Variants in ZC3H3 observed in about 807,000 individuals in gnomAD.
ZC3H3 encodes the protein zinc finger CCCH-type containing 3.
ZC3H3 carries 36 observed loss-of-function variants against 77.3 expected under a neutral mutation model. The ratio of observed to expected loss-of-function variants is 0.47; its 90% CI spans 0.36 to 0.61. ZC3H3 has a LOEUF of 0.61. Ranked by LOEUF, ZC3H3 falls within the 20% of genes least tolerant of loss-of-function variation. The pLI is 0.00. For missense variants in ZC3H3, 1,331 were observed against 1,312.2 expected (o/e 1.01, Z -0.22); for synonymous variants, 626 against 555.2 (o/e 1.13, Z -1.79).
intron 5 of ZC3H3, among the ~76,000 whole-genome samples, chr8:143,472,488 C>T (rs769898772): frequency 6.6e-6 from 1 of 152,212 alleles, no homozygotes; most frequent in Non-Finnish European, 1.5e-5. Flanking sequence ...GCAGCCCCTC[C>T]CTCTCCTCCC....
intron 3 of ZC3H3, among the ~76,000 whole-genome samples, chr8:143,513,522 C>T (rs1821937470): frequency 6.6e-6 from 1 of 152,334 alleles, no homozygotes; most frequent in African/African-American, 2.4e-5. Context: ...TGGCTGATGG[C>T]GCTCTTGGAG....
Position 143,475,481 on chromosome 8 carries a change from A to T in ZC3H3, c.1820T>A (p.Val607Asp), listed in dbSNP as rs1298681200. The change falls in exon 5 of 12, where the codon GTC (valine) becomes GAC (aspartate). Residue 607 changes from valine to aspartate, a missense_variant. Coordinates refer to ENST00000262577, the MANE Select transcript of ZC3H3 (RefSeq NM_015117.3). ...RSKGYRCIGG[V>D]LYKVSANKLS... ...CTTGTTGGCAGATACTTTGTAGAGG[A>T]CCCCTCCGATGCAGCGGTAGCCTTT... The T allele has an allele frequency of 6.2e-7, 1 of 1,612,890 alleles. No individual in the cohort carries two copies. Among genetic ancestry groups the T allele is most frequent in the African/African-American group, 1.3e-5 (1 of 74,976 alleles).
At position 143,533,936 on chromosome 8, in the gene ZC3H3, A is replaced by G. The variant is rs2130506764; in HGVS notation, c.1561+2321T>C. ...GGTGATCCACCCGCCTCGGCCTCCC[A>G]GTGTGCTGGGATTACAGGCATGAGC... On this transcript the variant is annotated intron_variant, in intron 3 of 11. Coordinates refer to ENST00000262577, the MANE Select transcript of ZC3H3 (RefSeq NM_015117.3). This position sits in a 1 kb window ranked among gnomAD's most constrained non-coding sequence, Gnocchi z 4.0. Among the ~76,000 whole-genome samples, 2 of 152,094 alleles carry G rather than the reference A, an allele frequency of 1.3e-5. No individual in the cohort carries two copies. Among genetic ancestry groups the G allele is most frequent in the South Asian group, 4.1e-4 (2 of 4,820 alleles).
At chr8:143,456,264 G>A (rs1820120175) in intron 9 of ZC3H3, among the ~76,000 whole-genome samples, 1 of 152,086 alleles carries the variant, frequency 6.6e-6, no homozygotes, top group African/African-American at 2.4e-5. Flanking sequence ...AGAACTAATA[G>A]AAAACAAAAT....
chr8:143,529,122 T>C (rs1387380824), intron 3 of ZC3H3, among the ~76,000 whole-genome samples: 1 of 152,154 alleles, frequency 6.6e-6, no homozygotes, highest in East Asian at 1.9e-4. Flanking sequence ...GGGACGGGCC[T>C]GGCCAGAGGT....
At chr8:143,461,329 G>A (rs928102545) in intron 9 of ZC3H3, among the ~76,000 whole-genome samples, 5 of 152,180 alleles carry the variant, frequency 3.3e-5, no homozygotes, top group African/African-American at 7.2e-5. Flanking sequence ...CCACCAGAAC[G>A]GGTGTGCCAG....
Position 143,538,710 on chromosome 8 carries a change from G to A in ZC3H3, c.657C>T (p.Val219=). ...GDSPREPRRT[V]SESVIAVKAS... The stretch of plus-strand genomic sequence containing the variant: ...CCTTGACGGCAATCACACTCTCACT[G>A]ACTGTCCGGCGGGGCTCCCGGGGGC... Residue 219 remains valine (V), a synonymous_variant, in exon 2 of 12, where the codon GTC becomes GTT. Transcript: ENST00000262577. The A allele has an allele frequency of 6.2e-7, 1 of 1,608,888 alleles. No homozygotes were observed. Among genetic ancestry groups the A allele is most frequent in the Non-Finnish European group, 8.5e-7 (1 of 1,179,904 alleles).
intron 3 of ZC3H3, among the ~76,000 whole-genome samples, chr8:143,510,053 C>T (rs1294214778): frequency 1.3e-5 from 2 of 152,162 alleles, no homozygotes; most frequent in East Asian, 1.9e-4. Flanking sequence ...TGGCGGGCGG[C>T]GGCACCATGA....
At chr8:143,505,340 CACCGGAGATGGCGCATGGGCCAGGCTAG>C (rs1363663606) in intron 4 of ZC3H3, among the ~76,000 whole-genome samples, 1 of 152,240 alleles carries the variant, frequency 6.6e-6, no homozygotes, top group Non-Finnish European at 1.5e-5. Context: ...TCTGATGCAG[CACCGGAGATGGCGCATGGGCCAGGCTAG>C]ACCAGCCGCT....
At chr8:143,451,530 G>A (rs935558846) in intron 9 of ZC3H3, among the ~76,000 whole-genome samples, 5 of 152,082 alleles carry the variant, frequency 3.3e-5, no homozygotes, top group East Asian at 1.9e-4. Flanking sequence ...GAAGTAGGCC[G>A]GGCACGGTGG....
intron 3 of ZC3H3, among the ~76,000 whole-genome samples, chr8:143,528,454 G>C (rs564512204): frequency 6.6e-6 from 1 of 152,182 alleles, no homozygotes; most frequent in South Asian, 2.1e-4. Context: ...TTCCATCCAC[G>C]GCCAGCCTCC....
At position 143,493,828 on chromosome 8, in the gene ZC3H3, TA is replaced by T. The variant is rs1485380563; in HGVS notation, c.1715+13917del. Among the ~76,000 whole-genome samples the T allele has an allele frequency of 6.6e-6, 1 of 152,198 alleles. No homozygotes were observed. The highest frequency in any genetic ancestry group is 6.5e-5 in the Admixed American group (1 of 15,282). ...TTTCAGAGGCCAGTAATATTTTATA[TA>T]ATCGCCGAGTGGTTTAAATTGAAAA... On this transcript the variant is annotated intron_variant, in intron 4 of 11. Coordinates refer to ENST00000262577, the MANE Select transcript of ZC3H3 (RefSeq NM_015117.3). This position sits in a 1 kb window ranked among gnomAD's most constrained non-coding sequence, Gnocchi z 4.8.
chr8:143,454,865 C>G (rs993018547), intron 9 of ZC3H3, among the ~76,000 whole-genome samples: 6 of 152,208 alleles, frequency 3.9e-5, no homozygotes, highest in African/African-American at 1.4e-4. Context: ...TCCCTCATCA[C>G]ACTGACTCTT....
chr8:143,452,357 T>C (rs1247612200), intron 9 of ZC3H3, among the ~76,000 whole-genome samples: 2 of 152,128 alleles, frequency 1.3e-5, no homozygotes, highest in African/African-American at 2.4e-5. Context: ...ACAGTGTCAA[T>C]GAGGCCAAGT....
intron 4 of ZC3H3, among the ~76,000 whole-genome samples, chr8:143,477,378 C>G (rs891495650): frequency 2.6e-5 from 4 of 152,182 alleles, no homozygotes; most frequent in African/African-American, 9.7e-5. Flanking sequence ...TCCCACCTAT[C>G]CTGTCTGCGC....
intron 3 of ZC3H3, among the ~76,000 whole-genome samples, chr8:143,527,618 CA>C (rs543979678): frequency 1.3e-5 from 2 of 152,202 alleles, no homozygotes; most frequent in Non-Finnish European, 2.9e-5. Context: ...AAGCCTAATT[CA>C]GCATTTTCTT....
intron 3 of ZC3H3, among the ~76,000 whole-genome samples, chr8:143,535,292 G>A (rs1355545464): frequency 6.6e-6 from 1 of 152,158 alleles, no homozygotes; most frequent in Non-Finnish European, 1.5e-5. Context: ...TCCCACCTTG[G>A]CCTCCCAAAG....
At chr8:143,516,394 C>A (rs1404522361) in intron 3 of ZC3H3, among the ~76,000 whole-genome samples, 1 of 152,154 alleles carries the variant, frequency 6.6e-6, no homozygotes, top group Non-Finnish European at 1.5e-5. Flanking sequence ...TGGCCCCACG[C>A]CCTGAGGCTG....
At chr8:143,445,566 G>A (rs1819845851) in intron 9 of ZC3H3, among the ~76,000 whole-genome samples, 2 of 151,910 alleles carry the variant, frequency 1.3e-5, no homozygotes, top group South Asian at 4.1e-4. Context: ...CATAGCATGT[G>A]CCTATAATCC....
Sources: gnomAD v4.1 joint callset for allele counts (sites outside exome capture counted in the v4.1 genomes callset) on GRCh38, gnomAD v4.1.1 for gene constraint, Gnocchi (gnomAD v3.1) non-coding constraint, MANE v1.5 for transcripts, NCBI Gene and HGNC (gene_info 2026-07-23, HGNC 2026-07-21) for gene names.